The following GALNT7 variants were observed in gnomAD, a reference collection of about 807,000 sequenced individuals.
GALNT7 encodes N-acetylgalactosaminyltransferase 7.
A neutral mutation model predicts 82.1 loss-of-function variants in GALNT7; 60 were observed. The ratio of observed to expected loss-of-function variants is 0.73; its 90% CI spans 0.59 to 0.91. The LOEUF (loss-of-function observed/expected upper bound fraction) is 0.91. Among genes scored for constraint, GALNT7 ranks in the 40% least tolerant of loss-of-function variants. GALNT7 has a pLI of 0.00. For synonymous variants in GALNT7, 243 were observed against 275.1 expected, an observed-to-expected ratio of 0.88 and a Z score of 1.15; for missense variants, 660 against 804.2, an observed-to-expected ratio of 0.82 and a Z score of 2.17.
At chr4:173,221,029 G>T (rs1267474369) in intron 1 of GALNT7, among the ~76,000 whole-genome samples, 1 of 151,212 alleles carries the variant, frequency 6.6e-6, no homozygotes, top group East Asian at 1.9e-4. Flanking sequence ...TAATGGGATG[G>T]CTGGGTCAAA....
intron 1 of GALNT7, among the ~76,000 whole-genome samples, chr4:173,227,993 TTTC>T: frequency 6.6e-6 from 1 of 152,110 alleles, no homozygotes; most frequent in East Asian, 1.9e-4. Flanking sequence ...AGTCATGTGT[TTTC>T]TGTTTGTTCC....
intron 1 of GALNT7, among the ~76,000 whole-genome samples, chr4:173,188,086 C>G (rs1321447303): frequency 6.6e-6 from 1 of 152,196 alleles, no homozygotes; most frequent in African/African-American, 2.4e-5. Context: ...ACTCCTCACC[C>G]ATGTGGGGAG....
chr4:173,218,454 C>A (rs369030940), intron 1 of GALNT7, among the ~76,000 whole-genome samples: 32 of 110,878 alleles, frequency 2.9e-4, no homozygotes, highest in African/African-American at 8.1e-4. Context: ...ACCTAAAATT[C>A]TCCCTCAATA....
chr4:173,288,301 A>AAAAAAAAAAAAAAG (rs1289159201), intron 2 of GALNT7, among the ~76,000 whole-genome samples: 6 of 148,356 alleles, frequency 4.0e-5, no homozygotes, highest in African/African-American at 1.6e-4. Flanking sequence ...AAAAAAAAAA[A>AAAAAAAAAAAAAAG]AAAAGAAAAG....
At chr4:173,260,149 T>G (rs908343849) in intron 2 of GALNT7, among the ~76,000 whole-genome samples, 1 of 152,232 alleles carries the variant, frequency 6.6e-6, no homozygotes, top group African/African-American at 2.4e-5. Flanking sequence ...GTAAAGTACG[T>G]AACAATACTA....
intron 2 of GALNT7, among the ~76,000 whole-genome samples, chr4:173,286,103 C>CGGAT (rs1430641887): frequency 3.3e-5 from 5 of 152,180 alleles, no homozygotes; most frequent in African/African-American, 1.2e-4. Flanking sequence ...ACCCATAGCT[C>CGGAT]GGATATCCAC....
chr4:173,190,788 T>C (rs1370332365), intron 1 of GALNT7, among the ~76,000 whole-genome samples: 1 of 152,172 alleles, frequency 6.6e-6, no homozygotes, highest in African/African-American at 2.4e-5. Flanking sequence ...CTTTGCTTGG[T>C]TGTTAATAGA....
At chr4:173,244,687 A>G (rs1030657368) in intron 1 of GALNT7, among the ~76,000 whole-genome samples, 5 of 152,168 alleles carry the variant, frequency 3.3e-5, no homozygotes, top group Admixed American at 2.6e-4. Flanking sequence ...TATTATTCCT[A>G]TTGTAATCTT....
At chr4:173,282,639 T>A (rs1189603828) in intron 2 of GALNT7, among the ~76,000 whole-genome samples, 1 of 152,136 alleles carries the variant, frequency 6.6e-6, no homozygotes, top group Non-Finnish European at 1.5e-5. Context: ...CCGAGGCTGG[T>A]TTAAGGGTCC....
At chr4:173,284,005 C>G (rs1002704379) in intron 2 of GALNT7, among the ~76,000 whole-genome samples, 5 of 152,160 alleles carry the variant, frequency 3.3e-5, no homozygotes, top group Admixed American at 6.5e-5. Flanking sequence ...GTTAAAAGCT[C>G]TAGCTAATTT....
At chr4:173,211,516 T>C (rs993383396) in intron 1 of GALNT7, among the ~76,000 whole-genome samples, 2 of 152,238 alleles carry the variant, frequency 1.3e-5, no homozygotes, top group African/African-American at 2.4e-5. Flanking sequence ...TCATCATTTC[T>C]AACATATAGG....
intron 4 of GALNT7, 78 bp downstream of exon 4, chr4:173,295,604 A>G (rs1736693655): frequency 7.1e-7 from 1 of 1,412,794 alleles, no homozygotes; most frequent in South Asian, 1.2e-5. Flanking sequence ...ATCATTCTTC[A>G]GTTTTTTTAA....
At chr4:173,169,143 C>T in intron 1 of GALNT7, 182 bp downstream of exon 1, 1 of 296,952 alleles carries the variant, frequency 3.4e-6, no homozygotes, top group Non-Finnish European at 5.9e-6. Flanking sequence ...ACCTCCCTGG[C>T]CGCCGCCGGC....
chr4:173,203,949 A>G (rs1733018024), intron 1 of GALNT7, among the ~76,000 whole-genome samples: 1 of 152,122 alleles, frequency 6.6e-6, no homozygotes, highest in South Asian at 2.1e-4. Context: ...ATATGTTTTC[A>G]TATTACTAAT....
chr4:173,267,192 C>A (rs1735534518), intron 2 of GALNT7, among the ~76,000 whole-genome samples: 1 of 151,964 alleles, frequency 6.6e-6, no homozygotes. Flanking sequence ...ACATGTATCC[C>A]ATAAATAGGT....
chr4:173,304,467 T>A (rs150961261), intron 8 of GALNT7, among the ~76,000 whole-genome samples: 234 of 152,198 alleles, frequency 1.5e-3, no homozygotes, highest in Non-Finnish European at 2.7e-3. Context: ...TCTTGTACAA[T>A]ATGATGTTTT....
intron 5 of GALNT7, among the ~76,000 whole-genome samples, chr4:173,297,430 A>G (rs777225373): frequency 1.4e-4 from 22 of 152,218 alleles, no homozygotes; most frequent in Non-Finnish European, 2.5e-4. Context: ...GCACACGCAC[A>G]CGTGAGCTTT....
At chr4:173,195,353 C>T (rs1732743243) in intron 1 of GALNT7, among the ~76,000 whole-genome samples, 1 of 152,118 alleles carries the variant, frequency 6.6e-6, no homozygotes, top group Non-Finnish European at 1.5e-5. Context: ...GGCTCTGGGC[C>T]TAGGCTACTT....
chr4:173,180,581 G>A (rs1732213001), intron 1 of GALNT7, among the ~76,000 whole-genome samples: 1 of 152,120 alleles, frequency 6.6e-6, no homozygotes, highest in African/African-American at 2.4e-5. Context: ...GCCTGCCTTG[G>A]TTTCCCAAAG....
Sources: gnomAD v4.1 joint callset for allele counts (sites outside exome capture counted in the v4.1 genomes callset) on GRCh38, gnomAD v4.1.1 for gene constraint, MANE v1.5 for transcripts, NCBI Gene and HGNC (gene_info 2026-07-23, HGNC 2026-07-21) for gene names.